TMEM132D: variants seen among roughly 807,000 people sequenced by gnomAD.
The protein encoded by TMEM132D is transmembrane protein 132D, also known as mature OL transmembrane protein.
TMEM132D carries 21 observed loss-of-function variants against 62.3 expected under a neutral mutation model. The ratio of observed to expected loss-of-function variants is 0.34; its 90% CI spans 0.24 to 0.49. The LOEUF (loss-of-function observed/expected upper bound fraction) is 0.49, where lower values mean the gene tolerates loss of function less well. TMEM132D is among the 20% of genes least tolerant of loss of function. The pLI is 0.99. For synonymous variants in TMEM132D, 621 were observed against 575.6 expected (o/e 1.08, Z -1.13); for missense variants, 1,346 against 1,402.8 (o/e 0.96, Z 0.65).
intron 3 of TMEM132D, among the ~76,000 whole-genome samples, chr12:129,354,889 G>A (rs546765915): frequency 6.6e-6 from 1 of 152,282 alleles, no homozygotes; most frequent in African/African-American, 2.4e-5. Context: ...GAACATGCAT[G>A]CTTATAAGAA....
chr12:129,748,327 C>T (rs984275541), intron 1 of TMEM132D, among the ~76,000 whole-genome samples: 10 of 152,072 alleles, frequency 6.6e-5, no homozygotes, highest in Non-Finnish European at 1.2e-4. Flanking sequence ...TGGCTTTGAT[C>T]GACTGTCCTA....
chr12:129,452,133 A>T (rs1873309759), intron 3 of TMEM132D, among the ~76,000 whole-genome samples: 1 of 152,200 alleles, frequency 6.6e-6, no homozygotes, highest in South Asian at 2.1e-4. Flanking sequence ...ATGATAGATG[A>T]TACCTTTACA....
chr12:129,708,094 G>A (rs1881548489), intron 1 of TMEM132D, among the ~76,000 whole-genome samples: 5 of 152,098 alleles, frequency 3.3e-5, no homozygotes, highest in Admixed American at 3.3e-4. Context: ...GCATGCACCT[G>A]TAATCCCAGC....
intron 3 of TMEM132D, among the ~76,000 whole-genome samples, chr12:129,341,334 A>G (rs1366597639): frequency 2.0e-5 from 3 of 152,220 alleles, no homozygotes; most frequent in Non-Finnish European, 2.9e-5. Flanking sequence ...CAGTTGGTTA[A>G]AGAGAAGTTT....
chr12:129,699,670 C>T (rs1881326848), intron 2 of TMEM132D, 140 bp downstream of exon 2: 5 of 1,003,804 alleles, frequency 5.0e-6, no homozygotes, highest in Non-Finnish European at 5.8e-6. Context: ...CTGTATTCCA[C>T]GGTGCAGATG....
At chr12:129,535,812 T>G (rs886116576) in intron 2 of TMEM132D, among the ~76,000 whole-genome samples, 2 of 128,842 alleles carry the variant, frequency 1.6e-5, no homozygotes, top group Non-Finnish European at 3.5e-5. Context: ...GTGTGTGTGT[T>G]GTTAGAAAAA....
intron 2 of TMEM132D, among the ~76,000 whole-genome samples, chr12:129,541,012 C>T (rs886309044): frequency 2.0e-5 from 3 of 152,180 alleles, no homozygotes; most frequent in African/African-American, 7.2e-5. Flanking sequence ...AAGAAACATA[C>T]GTTTTCTATT....
intron 3 of TMEM132D, among the ~76,000 whole-genome samples, chr12:129,495,925 A>AG (rs1176848505): frequency 3.3e-5 from 5 of 152,256 alleles, no homozygotes; most frequent in Admixed American, 2.0e-4. Flanking sequence ...AGTAATGGGG[A>AG]GATTCAGTTT....
chr12:129,102,006 C>CTG (rs1875326814), intron 5 of TMEM132D, among the ~76,000 whole-genome samples: 1 of 137,504 alleles, frequency 7.3e-6, no homozygotes, highest in South Asian at 2.4e-4. Context: ...TTTTCTCTCT[C>CTG]TCTCTCTTCA....
At chr12:129,487,096 T>C (rs1199368325) in intron 3 of TMEM132D, among the ~76,000 whole-genome samples, 3 of 151,944 alleles carry the variant, frequency 2.0e-5, no homozygotes, top group African/African-American at 4.8e-5. Context: ...AAAGAGGTGA[T>C]GTTTCAGCTG....
intron 1 of TMEM132D, among the ~76,000 whole-genome samples, chr12:129,790,275 T>C (rs533589925): frequency 8.5e-5 from 13 of 152,134 alleles, no homozygotes; most frequent in Non-Finnish European, 1.8e-4. Context: ...ATGGCTTAAG[T>C]GTTAACAGCT....
chr12:129,455,269 T>A (rs1348302060), intron 3 of TMEM132D, among the ~76,000 whole-genome samples: 3 of 152,188 alleles, frequency 2.0e-5, no homozygotes, highest in African/African-American at 7.2e-5. Context: ...GAGGTAGACA[T>A]CCTGGATCCA....
intron 3 of TMEM132D, among the ~76,000 whole-genome samples, chr12:129,485,200 G>C (rs193240702): frequency 6.6e-6 from 1 of 152,116 alleles, no homozygotes. Context: ...TCAGTCCCAC[G>C]GGGAAACCCA....
At chr12:129,409,800 C>G (rs566446589) in intron 3 of TMEM132D, among the ~76,000 whole-genome samples, 1 of 152,292 alleles carries the variant, frequency 6.6e-6, no homozygotes, top group East Asian at 1.9e-4. Flanking sequence ...TTCCAGGGAG[C>G]GTAAATACCT....
chr12:129,363,939 A>C (rs1870328388), intron 3 of TMEM132D, among the ~76,000 whole-genome samples: 1 of 152,246 alleles, frequency 6.6e-6, no homozygotes, highest in African/African-American at 2.4e-5. Flanking sequence ...TGCTTTTCTC[A>C]TACAACCAGT....
chr12:129,429,381 T>C (rs955027602), intron 3 of TMEM132D, among the ~76,000 whole-genome samples: 1 of 152,020 alleles, frequency 6.6e-6, no homozygotes, highest in Non-Finnish European at 1.5e-5. Flanking sequence ...GTTTGTTTGT[T>C]TGTTTGTTTG....
At chr12:129,128,904 A>G (rs2135523930) in intron 5 of TMEM132D, among the ~76,000 whole-genome samples, 1 of 152,276 alleles carries the variant, frequency 6.6e-6, no homozygotes, top group Middle Eastern at 3.4e-3. Context: ...AGCTGCATCC[A>G]TGTTGCTGCA....
chr12:129,797,106 TTC>T (rs1400488095), intron 1 of TMEM132D, among the ~76,000 whole-genome samples: 12 of 152,280 alleles, frequency 7.9e-5, no homozygotes, highest in Admixed American at 3.9e-4. Flanking sequence ...TATTTCAAAG[TTC>T]TGTTTGTTTC....
At chr12:129,222,249 G>A (rs1879367938) in intron 4 of TMEM132D, among the ~76,000 whole-genome samples, 1 of 152,210 alleles carries the variant, frequency 6.6e-6, no homozygotes, top group Admixed American at 6.5e-5. Context: ...CATTGAAACA[G>A]CCAAATGCAT....
Sources: gnomAD v4.1 joint callset for allele counts (sites outside exome capture counted in the v4.1 genomes callset) on GRCh38, gnomAD v4.1.1 for gene constraint, MANE v1.5 for transcripts, NCBI Gene and HGNC (gene_info 2026-07-23, HGNC 2026-07-21) for gene names.